Variants in ST6GALNAC3 observed in about 807,000 individuals in gnomAD.
ST6GALNAC3 encodes the protein ST6 N-acetylgalactosaminide alpha-2,6-sialyltransferase 3, also known as alpha-N-acetylgalactosaminide alpha-2,6-sialyltransferase 3.
A neutral mutation model predicts 32.7 loss-of-function variants in ST6GALNAC3; 25 were observed. The ratio of observed to expected loss-of-function variants is 0.76; its 90% CI spans 0.56 to 1.07. The LOEUF is 1.07. Ranked by LOEUF, ST6GALNAC3 falls within the 50% of genes least tolerant of loss-of-function variation. The pLI, the probability that ST6GALNAC3 is intolerant of heterozygous loss-of-function variation, is 0.00. For missense variants in ST6GALNAC3, 355 were observed against 382.4 expected (o/e 0.93, Z 0.60); for synonymous variants, 129 against 133.1 (o/e 0.97, Z 0.21).
At chr1:76,370,423 T>C (rs932093381) in intron 2 of ST6GALNAC3, among the ~76,000 whole-genome samples, 9 of 152,198 alleles carry the variant, frequency 5.9e-5, no homozygotes, top group Non-Finnish European at 1.5e-5. Context: ...CCTTTTCATC[T>C]TCAATGGTTA....
At chr1:76,089,206 T>TTTTA (rs779509892) in intron 1 of ST6GALNAC3, among the ~76,000 whole-genome samples, 91 of 152,068 alleles carry the variant, frequency 6.0e-4, no homozygotes, top group South Asian at 1.7e-3. Context: ...TTTTATTTTA[T>TTTTA]TTTATTTATT....
intron 1 of ST6GALNAC3, among the ~76,000 whole-genome samples, chr1:76,188,785 C>G (rs1013907849): frequency 2.6e-5 from 4 of 152,218 alleles, no homozygotes; most frequent in African/African-American, 9.7e-5. Flanking sequence ...TGATAAAGGT[C>G]TTCATCCTCA....
chr1:76,224,423 A>C (rs1253014790), intron 1 of ST6GALNAC3, among the ~76,000 whole-genome samples: 2 of 152,240 alleles, frequency 1.3e-5, no homozygotes, highest in Non-Finnish European at 2.9e-5. Context: ...TAGAAGACAC[A>C]TTCTTTACTT....
chr1:76,129,037 C>T (rs1178681498), intron 1 of ST6GALNAC3, among the ~76,000 whole-genome samples: 1 of 152,132 alleles, frequency 6.6e-6, no homozygotes, highest in African/African-American at 2.4e-5. Context: ...TTGCTGTTTC[C>T]CCAAACCTCT....
At chr1:76,137,643 A>C (rs1445655594) in intron 1 of ST6GALNAC3, among the ~76,000 whole-genome samples, 1 of 152,214 alleles carries the variant, frequency 6.6e-6, no homozygotes, top group East Asian at 1.9e-4. Flanking sequence ...CTATGAGTAA[A>C]ACATGTTACT....
chr1:76,480,982 G>A (rs1342032965), intron 3 of ST6GALNAC3, among the ~76,000 whole-genome samples: 2 of 152,126 alleles, frequency 1.3e-5, no homozygotes, highest in Non-Finnish European at 2.9e-5. Flanking sequence ...AAGGGACAGA[G>A]TTGTAATTCA....
chr1:76,141,894 A>C (rs1203895393), intron 1 of ST6GALNAC3, among the ~76,000 whole-genome samples: 1 of 152,222 alleles, frequency 6.6e-6, no homozygotes, highest in African/African-American at 2.4e-5. Flanking sequence ...GCTTCGGTTT[A>C]GGTTTCAATA....
chr1:76,158,333 T>A (rs1651593432), intron 1 of ST6GALNAC3, among the ~76,000 whole-genome samples: 1 of 152,192 alleles, frequency 6.6e-6, no homozygotes, highest in African/African-American at 2.4e-5. Context: ...TTCTACACCC[T>A]GGACATAGCA....
intron 2 of ST6GALNAC3, among the ~76,000 whole-genome samples, chr1:76,352,972 T>C (rs546726617): frequency 1.4e-4 from 21 of 152,244 alleles, no homozygotes; most frequent in African/African-American, 4.6e-4. Flanking sequence ...CAAGACACCA[T>C]CTGCTGTCAC....
intron 3 of ST6GALNAC3, among the ~76,000 whole-genome samples, chr1:76,545,693 G>A (rs1385567212): frequency 6.9e-6 from 1 of 144,174 alleles, no homozygotes; most frequent in Non-Finnish European, 1.5e-5. Context: ...TTTCACTCTT[G>A]TTGCCCAGGC....
chr1:76,353,954 C>T, intron 2 of ST6GALNAC3: 1 of 185,264 alleles, frequency 5.4e-6, no homozygotes, highest in South Asian at 1.3e-4. Context: ...CTAAACAGCA[C>T]ACCCTTCTTT....
At chr1:76,154,655 A>T (rs1256100576) in intron 1 of ST6GALNAC3, among the ~76,000 whole-genome samples, 1 of 152,148 alleles carries the variant, frequency 6.6e-6, no homozygotes, top group Non-Finnish European at 1.5e-5. Context: ...TGGCCGTAGC[A>T]TGCTTGTGTT....
intron 1 of ST6GALNAC3, among the ~76,000 whole-genome samples, chr1:76,173,462 A>T (rs1246359417): frequency 3.3e-5 from 5 of 152,240 alleles, no homozygotes; most frequent in Non-Finnish European, 5.9e-5. Context: ...AAGCAATTGC[A>T]AGAAAAGCCA....
At chr1:76,527,108 G>A (rs755840505) in intron 3 of ST6GALNAC3, among the ~76,000 whole-genome samples, 24 of 152,064 alleles carry the variant, frequency 1.6e-4, no homozygotes, top group Non-Finnish European at 2.9e-4. Flanking sequence ...GATTAGCTTA[G>A]AAATAGTATC....
chr1:76,127,033 CGTGTTGCA>C (rs1244821385), intron 1 of ST6GALNAC3, among the ~76,000 whole-genome samples: 1 of 152,158 alleles, frequency 6.6e-6, no homozygotes, highest in Non-Finnish European at 1.5e-5. Flanking sequence ...AAAGTTGCTC[CGTGTTGCA>C]GTGATCTTTT....
At chr1:76,483,218 G>A (rs1260303051) in intron 3 of ST6GALNAC3, among the ~76,000 whole-genome samples, 3 of 151,996 alleles carry the variant, frequency 2.0e-5, no homozygotes, top group African/African-American at 7.3e-5. Flanking sequence ...AGCATGATTT[G>A]TAATCCTTCG....
chr1:76,294,334 C>A (rs1660268275), intron 1 of ST6GALNAC3, among the ~76,000 whole-genome samples: 1 of 151,176 alleles, frequency 6.6e-6, no homozygotes. Flanking sequence ...GAAACAGTTT[C>A]TTTTTTGGTC....
intron 1 of ST6GALNAC3, among the ~76,000 whole-genome samples, chr1:76,261,650 C>T (rs989598616): frequency 6.6e-6 from 1 of 152,162 alleles, no homozygotes; most frequent in African/African-American, 2.4e-5. Context: ...AATGTGCATG[C>T]AGGGCTGAGC....
intron 2 of ST6GALNAC3, among the ~76,000 whole-genome samples, chr1:76,394,338 G>T (rs996508742): frequency 6.6e-6 from 1 of 152,064 alleles, no homozygotes; most frequent in African/African-American, 2.4e-5. Flanking sequence ...AGTGAAATAT[G>T]ATGAAATGTT....
Sources: allele counts gnomAD v4.1 joint callset (sites outside exome capture counted in the v4.1 genomes callset), GRCh38; gene constraint gnomAD v4.1.1; transcripts MANE v1.5; gene names NCBI Gene and HGNC (gene_info 2026-07-23, HGNC 2026-07-21).